CORO7: variants seen among roughly 807,000 people sequenced by gnomAD.
The protein encoded by CORO7 is coronin 7.
Under a neutral mutation model 126.6 loss-of-function variants are expected in CORO7, and 107 were observed. The ratio of observed to expected loss-of-function variants is 0.85; its 90% confidence interval spans 0.72 to 0.99. The LOEUF is 0.99. CORO7 is among the 50% of genes least tolerant of loss of function. The pLI is 0.00. For synonymous variants in CORO7, 603 were observed against 536.8 expected, an observed-to-expected ratio of 1.12 and a Z score of -1.70; for missense variants, 1,314 against 1,255.8, an observed-to-expected ratio of 1.05 and a Z score of -0.70.
At chr16:4,392,620 C>A (rs543733029) in intron 7 of CORO7, among the ~76,000 whole-genome samples, 1 of 152,312 alleles carries the variant, frequency 6.6e-6, no homozygotes, top group East Asian at 1.9e-4. Flanking sequence ...GGGCAGGCGG[C>A]CCCGCTCCCT....
At chr16:4,411,230 A>G (rs527620428) in intron 3 of CORO7, among the ~76,000 whole-genome samples, 9 of 152,154 alleles carry the variant, frequency 5.9e-5, no homozygotes, top group African/African-American at 1.9e-4. Flanking sequence ...TTTTACAAAA[A>G]ATTTTTAAAA....
chr16:4,355,448 T>G, intron 26 of CORO7, 76 bp from the exon 27 acceptor site: 1 of 1,427,708 alleles, frequency 7.0e-7, no homozygotes, highest in Non-Finnish European at 9.5e-7. Context: ...AGAACAACCC[T>G]GACAAGGCTG....
intron 9 of CORO7, among the ~76,000 whole-genome samples, chr16:4,366,881 C>T (rs980609459): frequency 6.6e-6 from 1 of 152,126 alleles, no homozygotes; most frequent in African/African-American, 2.4e-5. Flanking sequence ...CCTGGACCCT[C>T]CCAACCCAGA....
At chr16:4,404,566 C>T (rs907855001) in intron 6 of CORO7, among the ~76,000 whole-genome samples, 1 of 152,226 alleles carries the variant, frequency 6.6e-6, no homozygotes, top group Non-Finnish European at 1.5e-5. Context: ...GTACCGCCGG[C>T]AGCTCAGCAA....
At chr16:4,401,475 C>T (rs755531296) in intron 6 of CORO7, among the ~76,000 whole-genome samples, 7 of 152,278 alleles carry the variant, frequency 4.6e-5, no homozygotes, top group South Asian at 2.1e-4. Flanking sequence ...GCGTGCCAGG[C>T]GGGCACCAGG....
intron 8 of CORO7, 97 bp from the exon 9 acceptor site, chr16:4,388,165 A>T (rs2141264870): frequency 6.8e-7 from 1 of 1,462,356 alleles, no homozygotes; most frequent in East Asian, 2.5e-5. Context: ...GCAGCCTGAC[A>T]CGGGGCACCT....
chr16:4,361,293 T>C, intron 17 of CORO7, 45 bp from the exon 18 acceptor site: 1 of 1,610,588 alleles, frequency 6.2e-7, no homozygotes, highest in South Asian at 1.1e-5. Context: ...GCCCAAGACC[T>C]CTGGGCTCCC....
chr16:4,359,167 G>A, intron 23 of CORO7, 129 bp downstream of exon 23: 4 of 1,049,602 alleles, frequency 3.8e-6, no homozygotes, highest in Non-Finnish European at 5.4e-6. Flanking sequence ...ACTGGGCACA[G>A]CCCCAGGCCC....
chr16:4,357,238 G>T lies in CORO7; in HGVS notation c.2615C>A (p.Ala872Asp), dbSNP rs770761571. The T allele has an allele frequency of 5.0e-6, 8 of 1,613,538 alleles. No homozygotes were observed. Among genetic ancestry groups the T allele is most frequent in the African/African-American group, 1.3e-5 (1 of 74,900 alleles). Reference sequence around the variant, plus strand: ...TGAGGATGGGGCCCGACGAGCAGGGGCCTCTCGGGGGGCTTGGCTCACTGG... The same window carrying T: ...TGAGGATGGGGCCCGACGAGCAGGGTCCTCTCGGGGGGCTTGGCTCACTGG... ...MSPVSQAPRE[A>D]PARRAPSSAQ... The change falls in exon 26 of 28, where the codon GCC becomes GAC. Residue 872 changes from alanine (A) to aspartate (D), a missense_variant. Coordinates refer to ENST00000251166, the MANE Select transcript of CORO7 (RefSeq NM_024535.5).
chr16:4,388,770 CT>C, intron 7 of CORO7, 139 bp from the exon 8 acceptor site: 1 of 924,362 alleles, frequency 1.1e-6, no homozygotes, highest in Non-Finnish European at 1.6e-6. Flanking sequence ...CTGGGTCCTT[CT>C]CCACGTCCCC....
At chr16:4,355,701 C>A (rs2053957371) in intron 26 of CORO7, 1 of 258,730 alleles carries the variant, frequency 3.9e-6, no homozygotes, top group South Asian at 6.1e-5. Context: ...GATCTCCTGA[C>A]CTCGTGATCC....
rs1001787594 is a variant in CORO7 at position 4,383,800 on chromosome 16, C to T, written c.785+4186G>A. On this transcript the variant is annotated intron_variant, in intron 9 of 27. Coordinates refer to ENST00000251166, the MANE Select transcript of CORO7 (RefSeq NM_024535.5). ...GCCAGCAGGGGCTCTGGCCCATGTGCGGCTGGGAGAGGCTTGTGGCACATG... is the reference window on the plus strand; with the variant it reads ...GCCAGCAGGGGCTCTGGCCCATGTGTGGCTGGGAGAGGCTTGTGGCACATG... Among the ~76,000 whole-genome samples, 17 of 152,324 alleles carry T rather than the reference C, an allele frequency of 1.1e-4. No homozygotes were observed. The East Asian group carries it at 1.2e-3, about 10-fold the overall frequency.
chr16:4,383,503 G>GA (rs2055080097), intron 9 of CORO7: 1 of 167,006 alleles, frequency 6.0e-6, no homozygotes, highest in South Asian at 2.1e-4. Context: ...CCTTTTGTAA[G>GA]AAAAAATAAA....
intron 6 of CORO7, among the ~76,000 whole-genome samples, chr16:4,400,570 T>A (rs1259820173): frequency 1.3e-5 from 2 of 150,954 alleles, no homozygotes; most frequent in Non-Finnish European, 3.0e-5. Context: ...GAGGCAGAGG[T>A]TGCGGTGAGC....
intron 9 of CORO7, chr16:4,381,901 C>G: frequency 6.2e-7 from 1 of 1,606,004 alleles, no homozygotes; most frequent in Non-Finnish European, 8.5e-7. Context: ...GCTCCTGGAG[C>G]TTGACTACGC....
intron 16 of CORO7, 141 bp downstream of exon 16, chr16:4,361,844 G>T: frequency 1.5e-6 from 2 of 1,345,942 alleles, no homozygotes; most frequent in East Asian, 2.5e-5. Context: ...CATGGCAGGT[G>T]GCTGGGAGGA....
intron 16 of CORO7, 118 bp from the exon 17 acceptor site, chr16:4,361,587 GC>G: frequency 1.6e-6 from 2 of 1,226,406 alleles, no homozygotes; most frequent in Non-Finnish European, 2.3e-6. Context: ...GGCTCCCACC[GC>G]TGGGTGACCC....
Position 4,416,448 on chromosome 16 carries a change from G to A in CORO7, c.60+11C>T. ...CGAGGCGACAGCGCCCGGTCCTCGGGCCGGACTCACCTCGCGGCGGGGCGG... is the reference window on the plus strand; with the variant it reads ...CGAGGCGACAGCGCCCGGTCCTCGGACCGGACTCACCTCGCGGCGGGGCGG... On this transcript the variant is annotated intron_variant, in intron 1 of 27. Transcript: ENST00000251166. The A allele has an allele frequency of 6.4e-7, 1 of 1,570,110 alleles. No homozygotes were observed. Among genetic ancestry groups the A allele is most frequent in the Non-Finnish European group, 8.6e-7 (1 of 1,162,806 alleles).
intron 2 of CORO7, 128 bp from the exon 3 acceptor site, chr16:4,412,558 G>T: frequency 3.2e-6 from 3 of 925,726 alleles, no homozygotes; most frequent in Non-Finnish European, 5.0e-6. Flanking sequence ...CCAATCACAA[G>T]ATCATATCCT....
Sources: gnomAD v4.1 joint callset for allele counts (sites outside exome capture counted in the v4.1 genomes callset) on GRCh38, gnomAD v4.1.1 for gene constraint, MANE v1.5 for transcripts, NCBI Gene and HGNC (gene_info 2026-07-23, HGNC 2026-07-21) for gene names.